VGLL4: variants seen among roughly 807,000 people sequenced by gnomAD.
VGLL4 encodes the protein vestigial like family member 4.
Under a neutral mutation model 21.0 loss-of-function variants are expected in VGLL4, and 7 were observed. The observed-to-expected ratio is 0.33, with a 90% confidence interval of 0.19 to 0.63. VGLL4 has a LOEUF of 0.63. VGLL4 is among the 20% of genes least tolerant of loss of function. The pLI is 0.78. For missense variants in VGLL4, 394 were observed against 425.7 expected, an observed-to-expected ratio of 0.93 and a Z score of 0.66; for synonymous variants, 222 against 173.2, an observed-to-expected ratio of 1.28 and a Z score of -2.21.
rs540007731 is a variant in VGLL4, at chr3:11,588,506, G to A, written c.272+13327C>T. Among the ~76,000 whole-genome samples the A allele has an allele frequency of 4.6e-5, 7 of 152,288 alleles. No individual in the cohort carries two copies. In the South Asian group the frequency reaches 1.4e-3, roughly 32 times the overall value. ...GGCAGTGTCACCCTGTGGTGGACTG[G>A]GAGCCGTGGAAGGATTCCAAGCAGA... On this transcript the variant is annotated intron_variant, in intron 2 of 4. Coordinates refer to ENST00000430365, the MANE Select transcript of VGLL4 (RefSeq NM_001128219.3).
intron 3 of VGLL4, among the ~76,000 whole-genome samples, chr3:11,560,020 C>G (rs1482755949): frequency 2.0e-5 from 3 of 152,144 alleles, no homozygotes; most frequent in Non-Finnish European, 4.4e-5. Context: ...CCACCCCAGC[C>G]CGATCTGCCC....
chr3:11,666,218 T>A (rs967521072), intron 2 of VGLL4, among the ~76,000 whole-genome samples: 2 of 144,400 alleles, frequency 1.4e-5, no homozygotes, highest in African/African-American at 5.2e-5. Context: ...GCCGCTGCAC[T>A]CCAGCCTGGG....
At chr3:11,613,416 C>A (rs2075100466) in intron 1 of VGLL4, among the ~76,000 whole-genome samples, 1 of 152,164 alleles carries the variant, frequency 6.6e-6, no homozygotes, top group African/African-American at 2.4e-5. Flanking sequence ...AGAGAGAGAA[C>A]AGAAAACTAA....
At chr3:11,708,165 G>A (rs756882384) in intron 1 of VGLL4, among the ~76,000 whole-genome samples, 4 of 152,100 alleles carry the variant, frequency 2.6e-5, no homozygotes, top group Non-Finnish European at 4.4e-5. Flanking sequence ...TCCCTCATAC[G>A]GTTTTCTGAG....
chr3:11,715,152 A>C (rs542800499), intron 1 of VGLL4, among the ~76,000 whole-genome samples: 1 of 151,716 alleles, frequency 6.6e-6, no homozygotes, highest in East Asian at 1.9e-4. Flanking sequence ...AAAAAAAAAA[A>C]GATGAATTTG....
At chr3:11,655,518 C>G (rs2075944552) in intron 2 of VGLL4, among the ~76,000 whole-genome samples, 1 of 152,188 alleles carries the variant, frequency 6.6e-6, no homozygotes, top group African/African-American at 2.4e-5. Flanking sequence ...CCCACCACCC[C>G]CATTCTCAGC....
At chr3:11,647,188 T>C (rs931548527), upstream of VGLL4, among the ~76,000 whole-genome samples, 24 of 152,050 alleles carry the variant, frequency 1.6e-4, no homozygotes, top group Non-Finnish European at 2.2e-4. Context: ...TCTAGGCCTT[T>C]CCATCCCAGC....
intron 2 of VGLL4, among the ~76,000 whole-genome samples, chr3:11,679,091 CT>C (rs1559940623): frequency 6.6e-6 from 1 of 152,122 alleles, no homozygotes; most frequent in East Asian, 1.9e-4. Flanking sequence ...ATTTACTGTA[CT>C]TTTTATCACT....
intron 2 of VGLL4, among the ~76,000 whole-genome samples, chr3:11,595,311 G>A (rs2074609370): frequency 6.6e-6 from 1 of 152,134 alleles, no homozygotes; most frequent in Non-Finnish European, 1.5e-5. Flanking sequence ...AGTTAGAATG[G>A]CAATCATTAA....
intron 3 of VGLL4, among the ~76,000 whole-genome samples, chr3:11,562,700 CAT>C (rs758533326): frequency 1.0e-3 from 154 of 152,368 alleles, no homozygotes; most frequent in Non-Finnish European, 1.0e-3. Flanking sequence ...ACATGAATGA[CAT>C]GTGCTGACAG....
At chr3:11,699,015 G>A (rs900671553) in intron 2 of VGLL4, among the ~76,000 whole-genome samples, 2 of 152,170 alleles carry the variant, frequency 1.3e-5, no homozygotes, top group Admixed American at 6.5e-5. Flanking sequence ...ACATTTTTCT[G>A]TTTGTAATAA....
chr3:11,703,891 G>A lies in VGLL4; in HGVS notation c.-13-844C>T, dbSNP rs191945671. Reference sequence around the variant, plus strand: ...ATGGAGTACCTACTACGTATGCACCGGTCACAACATGTGGCAGACCAGCTT... The same window carrying A: ...ATGGAGTACCTACTACGTATGCACCAGTCACAACATGTGGCAGACCAGCTT... On this transcript the variant is annotated intron_variant, in intron 1 of 5. Coordinates refer to the VGLL4 transcript ENST00000273038. 1.0e-3 allele frequency among the ~76,000 whole-genome samples: 156 copies of A among 152,282 alleles called. 3 individuals carry two copies. The highest frequency in any genetic ancestry group is 3.5e-3 in the African/African-American group (144 of 41,560).
chr3:11,603,972 T>C (rs1033362634), intron 1 of VGLL4, among the ~76,000 whole-genome samples: 10 of 152,238 alleles, frequency 6.6e-5, no homozygotes, highest in African/African-American at 2.4e-4. Flanking sequence ...TTCTCGTGCT[T>C]GTTTGCATTT....
Position 11,624,837 on chromosome 3 carries a change from G to C in VGLL4, c.82+18600C>G, listed in dbSNP as rs568100137. The stretch of plus-strand genomic sequence containing the variant: ...TAACTGTACCAGCTAGTCTCAACTT[G>C]ATCCGAAGGAACACTGCTAGCATTC... On this transcript the variant is annotated intron_variant, in intron 1 of 4. Coordinates refer to ENST00000430365, the MANE Select transcript of VGLL4 (RefSeq NM_001128219.3). Among the ~76,000 whole-genome samples, 5 of 152,244 alleles carry C rather than the reference G, an allele frequency of 3.3e-5. 1 individual carries two copies. Among genetic ancestry groups the C allele is most frequent in the African/African-American group, 1.2e-4 (5 of 41,538 alleles).
In VGLL4 at chr3:11,625,855, T is replaced by TAGAC. The variant is rs113208884; in HGVS notation, c.82+17578_82+17581dup. 3.0e-3 allele frequency among the ~76,000 whole-genome samples: 457 copies of TAGAC among 152,242 alleles called. 4 individuals are homozygous for TAGAC. Among genetic ancestry groups the TAGAC allele is most frequent in the African/African-American group, 1.0e-2 (415 of 41,546 alleles). On this transcript the variant is annotated intron_variant, in intron 1 of 4. Coordinates refer to ENST00000430365, the MANE Select transcript of VGLL4 (RefSeq NM_001128219.3). ...AATGCCCAGAATAAGCAGATCTATA[T>TAGAC]AGACAGAAAGTAGATCTGTGGCTGC...
At chr3:11,700,564 C>G (rs1162684040) in intron 2 of VGLL4, among the ~76,000 whole-genome samples, 1 of 152,064 alleles carries the variant, frequency 6.6e-6, no homozygotes, top group East Asian at 1.9e-4. Flanking sequence ...TGAGCTAGAT[C>G]CAAGCTGGTG....
chr3:11,717,490 ATTTTTTTTT>A (rs60921966), intron 1 of VGLL4, among the ~76,000 whole-genome samples: 6 of 72,940 alleles, frequency 8.2e-5, no homozygotes, highest in Non-Finnish European at 1.1e-4. Context: ...CCCACTACAG[ATTTTTTTTT>A]TTTTTTTTTT....
Position 11,565,037 on chromosome 3 carries a change from G to A in VGLL4, c.273-18C>T. Reference sequence around the variant, plus strand: ...TCTTGTTCCTGAAAAAGAGGAATGGGCATTCAGGGGGCGTTTTCTCAAAGG... The same window carrying A: ...TCTTGTTCCTGAAAAAGAGGAATGGACATTCAGGGGGCGTTTTCTCAAAGG... On this transcript the variant is annotated intron_variant, in intron 2 of 4. Transcript: ENST00000430365. The surrounding 1 kb of genome is among the most constrained non-coding windows in gnomAD (Gnocchi z 4.1). 1 of 1,467,862 alleles carries A rather than the reference G, an allele frequency of 6.8e-7. No individual in the cohort carries two copies. Among genetic ancestry groups the A allele is most frequent in the East Asian group, 2.6e-5 (1 of 38,244 alleles). The allele number at this position is 1,467,862 out of a possible 1,614,324, so 90.9% of individuals were successfully genotyped here.
chr3:11,602,593 A>G (rs369940967), intron 1 of VGLL4, among the ~76,000 whole-genome samples: 11 of 152,364 alleles, frequency 7.2e-5, no homozygotes, highest in African/African-American at 2.2e-4. Flanking sequence ...TAATTCTTAC[A>G]GTACGCTAAA....
Sources: allele counts gnomAD v4.1 joint callset (sites outside exome capture counted in the v4.1 genomes callset), GRCh38; gene constraint gnomAD v4.1.1; non-coding constraint Gnocchi (gnomAD v3.1); transcripts MANE v1.5; gene names NCBI Gene and HGNC (gene_info 2026-07-23, HGNC 2026-07-21).